TIAM1: variants seen among roughly 807,000 people sequenced by gnomAD.
The protein encoded by TIAM1 is TIAM Rac1 associated GEF 1.
In TIAM1, 65 loss-of-function variants were observed where a neutral mutation model predicts 163.5. The observed-to-expected ratio is 0.40, with a 90% confidence interval of 0.33 to 0.49. The LOEUF (loss-of-function observed/expected upper bound fraction) is 0.49. TIAM1 is among the 20% of genes least tolerant of loss of function. The pLI is 0.77. For missense variants in TIAM1, 1,789 were observed against 2,044.7 expected (o/e 0.87, Z 2.41); for synonymous variants, 833 against 810.1 (o/e 1.03, Z -0.48).
chr21:31,317,549 G>C (rs1298941180), intron 2 of TIAM1, among the ~76,000 whole-genome samples: 2 of 152,270 alleles, frequency 1.3e-5, no homozygotes, highest in African/African-American at 2.4e-5. Flanking sequence ...GGAGGCCGAA[G>C]TGGGTGGATG....
chr21:31,263,413 C>T (rs189505163), intron 4 of TIAM1, among the ~76,000 whole-genome samples: 260 of 152,292 alleles, frequency 1.7e-3, no homozygotes, highest in Admixed American at 3.7e-3. Context: ...GCTGCCTAAG[C>T]AGTGATTTTA....
chr21:31,545,703 C>T (rs1360822556), intron 1 of TIAM1, among the ~76,000 whole-genome samples: 1 of 152,194 alleles, frequency 6.6e-6, no homozygotes, highest in Non-Finnish European at 1.5e-5. Flanking sequence ...ATTAATAGCG[C>T]TAATCCTTCC....
chr21:31,285,394 C>T (rs896585835), intron 2 of TIAM1, among the ~76,000 whole-genome samples: 5 of 152,144 alleles, frequency 3.3e-5, no homozygotes, highest in East Asian at 1.9e-4. Flanking sequence ...GGAAAGGTCA[C>T]GGGGATGGGG....
chr21:31,349,831 C>T (rs1026466875), intron 2 of TIAM1, among the ~76,000 whole-genome samples: 1 of 152,160 alleles, frequency 6.6e-6, no homozygotes, highest in Non-Finnish European at 1.5e-5. Context: ...AGAGCAAGTC[C>T]CTCTGCCTAC....
At chr21:31,373,854 T>A (rs542237064) in intron 2 of TIAM1, among the ~76,000 whole-genome samples, 1 of 152,128 alleles carries the variant, frequency 6.6e-6, no homozygotes, top group African/African-American at 2.4e-5. Context: ...TAAATCAAAA[T>A]CCCTCTTACC....
intron 2 of TIAM1, among the ~76,000 whole-genome samples, chr21:31,398,417 T>A (rs938659669): frequency 7.2e-5 from 11 of 152,110 alleles, no homozygotes; most frequent in South Asian, 2.1e-4. Context: ...ATGTCAAAAA[T>A]TTTTTCTTAA....
intron 1 of TIAM1, among the ~76,000 whole-genome samples, chr21:31,505,598 T>C (rs1303355240): frequency 6.6e-6 from 1 of 151,340 alleles, no homozygotes; most frequent in Non-Finnish European, 1.5e-5. Flanking sequence ...TTGCAGAGAA[T>C]TGTGGGGGAA....
At chr21:31,277,421 G>A (rs139125430) in intron 2 of TIAM1, among the ~76,000 whole-genome samples, 6,615 of 152,314 alleles carry the variant, frequency 0.043, 209 homozygotes, top group Non-Finnish European at 0.064. Context: ...CAAGGCAGGC[G>A]GATCACCTGA....
intron 23 of TIAM1, 115 bp from the exon 24 acceptor site, chr21:31,131,063 G>A (rs747202922): frequency 5.6e-5 from 43 of 770,828 alleles, no homozygotes; most frequent in Non-Finnish European, 8.4e-5. Flanking sequence ...TGAGATCCCA[G>A]TTAACTGACT....
chr21:31,185,383 A>G (rs1236747054), intron 14 of TIAM1, among the ~76,000 whole-genome samples: 1 of 145,412 alleles, frequency 6.9e-6, no homozygotes, highest in Admixed American at 7.1e-5. Flanking sequence ...TGCACATCAT[A>G]ATTATATATA....
rs995034293 is a variant in TIAM1 at position 31,164,843 on chromosome 21, A to C, written c.2991+119T>G. 3.0e-6 allele frequency: 3 copies of C among 986,188 alleles called. No individual in the cohort carries two copies. In the African/African-American group the frequency reaches 4.8e-5, roughly 16 times the overall value. 61.1% of individuals were successfully genotyped at this position (986,188 alleles called of 1,614,324 possible). A position where few individuals can be genotyped will look rare whatever the true frequency, so the allele number is the denominator to read the frequency against. On this transcript the variant is annotated intron_variant, in intron 16 of 27. Coordinates refer to ENST00000541036, the MANE Select transcript of TIAM1 (RefSeq NM_001353694.2). Reference sequence around the variant, plus strand: ...TCCTGCTATTCAGCAACATCTCAGAAGCAAAAACACTTCGTCCATGGAGAG... The same window carrying C: ...TCCTGCTATTCAGCAACATCTCAGACGCAAAAACACTTCGTCCATGGAGAG...
intron 2 of TIAM1, among the ~76,000 whole-genome samples, chr21:31,298,834 T>C (rs845936): frequency 0.58 from 85,906 of 147,654 alleles, 25,022 homozygotes; most frequent in South Asian, 0.71. Context: ...GAAAAACAGA[T>C]GGAGAGAGAA....
At chr21:31,152,018 T>C (rs1444122843) in intron 19 of TIAM1, among the ~76,000 whole-genome samples, 3 of 126,578 alleles carry the variant, frequency 2.4e-5, no homozygotes, top group Non-Finnish European at 3.1e-5. Flanking sequence ...TAACCAGAAG[T>C]GCCTTTTTTT....
At chr21:31,129,437 G>A (rs569313095) in intron 25 of TIAM1, among the ~76,000 whole-genome samples, 1 of 152,348 alleles carries the variant, frequency 6.6e-6, no homozygotes, top group East Asian at 1.9e-4. Context: ...CCAACACTTT[G>A]GGAGGCCAAG....
At chr21:31,184,548 T>A (rs1382922757) in intron 14 of TIAM1, among the ~76,000 whole-genome samples, 1 of 152,180 alleles carries the variant, frequency 6.6e-6, no homozygotes, top group African/African-American at 2.4e-5. Context: ...TTAGTACAGA[T>A]GACCGTTCAT....
chr21:31,548,460 G>A (rs2048573631), intron 1 of TIAM1, among the ~76,000 whole-genome samples: 1 of 145,416 alleles, frequency 6.9e-6, no homozygotes, highest in African/African-American at 2.5e-5. Context: ...TTTTAAATGT[G>A]GGGTTTCTCA....
At position 31,224,706 on chromosome 21, in the gene TIAM1, T is replaced by G. The variant is rs553889121; in HGVS notation, c.1809+1020A>C. 6.4e-4 allele frequency among the ~76,000 whole-genome samples: 97 copies of G among 152,328 alleles called. 2 individuals are homozygous for G. The South Asian group carries it at 0.01, about 16-fold the overall frequency. On this transcript the variant is annotated intron_variant, in intron 7 of 27. Coordinates refer to ENST00000541036, the MANE Select transcript of TIAM1 (RefSeq NM_001353694.2). ...CGTGTTAAAATGGTTGATTTTACAT[T>G]GTGTGAATTTTGCCTCAATTTAAAA...
At chr21:31,312,310 T>C (rs1284819991) in intron 2 of TIAM1, among the ~76,000 whole-genome samples, 1 of 152,154 alleles carries the variant, frequency 6.6e-6, no homozygotes, top group Admixed American at 6.5e-5. Context: ...TTTTCATCCA[T>C]ATATGAGGTT....
At chr21:31,329,563 A>T (rs2075609736) in intron 2 of TIAM1, among the ~76,000 whole-genome samples, 1 of 152,202 alleles carries the variant, frequency 6.6e-6, no homozygotes. Flanking sequence ...GGCATCTACC[A>T]TATGAATCAG....
Sources: gnomAD v4.1 joint callset for allele counts (sites outside exome capture counted in the v4.1 genomes callset) on GRCh38, gnomAD v4.1.1 for gene constraint, MANE v1.5 for transcripts, NCBI Gene and HGNC (gene_info 2026-07-23, HGNC 2026-07-21) for gene names.